Variants in RNF228 observed in about 807,000 individuals in gnomAD.
The protein encoded by RNF228 is ring finger protein 228.
chr2:222,319,087 C>T, the RNF228 span: 1 of 184,126 alleles, frequency 5.4e-6, no homozygotes, highest in Non-Finnish European at 1.1e-5. The surrounding 1 kb of genome is among the most constrained non-coding windows in gnomAD (Gnocchi z 7.6). Context: ...CCGCCGCCGC[C>T]GCCGCTGCCC....
the RNF228 span, among the ~76,000 whole-genome samples, chr2:222,315,209 A>C: frequency 6.6e-6 from 1 of 152,140 alleles, no homozygotes; most frequent in Non-Finnish European, 1.5e-5. Flanking sequence ...TTAATTCCAG[A>C]GTGTCCCTTC....
chr2:222,315,950 T>C, the RNF228 span, among the ~76,000 whole-genome samples: 1 of 151,968 alleles, frequency 6.6e-6, no homozygotes, highest in Non-Finnish European at 1.5e-5. Context: ...TCCAAGCAGG[T>C]ACAGAGACCA....
the RNF228 span, among the ~76,000 whole-genome samples, chr2:222,315,076 G>GT: frequency 1.1e-5 from 1 of 87,170 alleles, no homozygotes; most frequent in Non-Finnish European, 2.5e-5. Context: ...CTTGCCATAA[G>GT]TATTTTTTTT....
the RNF228 span, among the ~76,000 whole-genome samples, chr2:222,316,829 G>C: frequency 1.3e-5 from 2 of 152,128 alleles, no homozygotes; most frequent in African/African-American, 4.8e-5. Flanking sequence ...ATGAATAAGA[G>C]GTAAAAATGG....
At chr2:222,317,169 T>A in the RNF228 span, 1 of 152,198 alleles carries the variant, frequency 6.6e-6, no homozygotes, top group South Asian at 2.1e-4. Context: ...GAAGGGGACA[T>A]GTATTTAAGG....
chr2:222,318,476 G>C, the RNF228 span: 6 of 152,262 alleles, frequency 3.9e-5, no homozygotes, highest in African/African-American at 1.2e-4. Flanking sequence ...CCGCTAGGAA[G>C]CAGGAAATCC....
At chr2:222,319,763 G>GGCGGCA in the RNF228 span, among the ~76,000 whole-genome samples, 2 of 146,394 alleles carry the variant, frequency 1.4e-5, no homozygotes, top group East Asian at 2.0e-4. This position sits in a 1 kb window ranked among gnomAD's most constrained non-coding sequence, Gnocchi z 7.6. Flanking sequence ...GCTCAGGCGC[G>GGCGGCA]GCGGCAGCGG....
the RNF228 span, among the ~76,000 whole-genome samples, chr2:222,314,312 T>C: frequency 6.6e-6 from 1 of 152,218 alleles, no homozygotes; most frequent in Admixed American, 6.5e-5. Flanking sequence ...ACAAAGCTTA[T>C]CTTATATGGA....
At chr2:222,315,663 G>T in the RNF228 span, among the ~76,000 whole-genome samples, 143 of 152,260 alleles carry the variant, frequency 9.4e-4, 1 homozygote, top group East Asian at 0.019. Flanking sequence ...AGACTCAAAG[G>T]AGGTTAAATG....
At chr2:222,316,871 T>C in the RNF228 span, among the ~76,000 whole-genome samples, 1 of 152,294 alleles carries the variant, frequency 6.6e-6, no homozygotes, top group African/African-American at 2.4e-5. Context: ...CATGGGGGTA[T>C]AAATAAATTA....
chr2:222,315,419 A>G, the RNF228 span, among the ~76,000 whole-genome samples: 1 of 152,256 alleles, frequency 6.6e-6, no homozygotes, highest in Non-Finnish European at 1.5e-5. Context: ...AATCTCATTA[A>G]GAAAGTAAAA....
At chr2:222,318,771 A>ACCCCCCCCCCC in the RNF228 span, 6 of 102,348 alleles carry the variant, frequency 5.9e-5, no homozygotes, top group Admixed American at 9.8e-5. Flanking sequence ...GGCAAAAGAG[A>ACCCCCCCCCCC]CCCCCCCCCC....
At chr2:222,316,390 A>G in the RNF228 span, among the ~76,000 whole-genome samples, 9 of 152,378 alleles carry the variant, frequency 5.9e-5, no homozygotes, top group East Asian at 1.3e-3. Flanking sequence ...TTGACTTCAA[A>G]GTATTCTAAC....
chr2:222,316,338 T>C, the RNF228 span, among the ~76,000 whole-genome samples: 1 of 152,048 alleles, frequency 6.6e-6, no homozygotes, highest in Non-Finnish European at 1.5e-5. Context: ...CCACAGAAAA[T>C]CTCTCTCCAT....
chr2:222,318,057 G>A, the RNF228 span: 1 of 152,132 alleles, frequency 6.6e-6, no homozygotes, highest in Admixed American at 6.5e-5. Context: ...AAAAAAAGGC[G>A]AGGGGAAGGA....
chr2:222,319,169 G>C, the RNF228 span: 1 of 299,488 alleles, frequency 3.3e-6, no homozygotes. The surrounding 1 kb of genome is among the most constrained non-coding windows in gnomAD (Gnocchi z 7.6). Context: ...CAACGACCGA[G>C]AAGAGTGCCA....
At chr2:222,316,746 A>C in the RNF228 span, among the ~76,000 whole-genome samples, 1 of 152,350 alleles carries the variant, frequency 6.6e-6, no homozygotes, top group East Asian at 1.9e-4. Flanking sequence ...ACATATATAC[A>C]TGTGTAGCTG....
the RNF228 span, chr2:222,319,488 G>C: frequency 6.8e-6 from 1 of 146,640 alleles, no homozygotes; most frequent in African/African-American, 2.5e-5. The surrounding 1 kb of genome is among the most constrained non-coding windows in gnomAD (Gnocchi z 7.6). Flanking sequence ...CGGCGGCTGC[G>C]GTGGGGCGGG....
the RNF228 span, among the ~76,000 whole-genome samples, chr2:222,319,763 G>C: frequency 1.5e-4 from 22 of 146,298 alleles, no homozygotes; most frequent in African/African-American, 5.4e-4. The surrounding 1 kb of genome is among the most constrained non-coding windows in gnomAD (Gnocchi z 7.6). Context: ...GCTCAGGCGC[G>C]GCGGCAGCGG....
Sources: allele counts gnomAD v4.1 joint callset (sites outside exome capture counted in the v4.1 genomes callset), GRCh38; gene constraint gnomAD v4.1.1; non-coding constraint Gnocchi (gnomAD v3.1); transcripts MANE v1.5; gene names NCBI Gene and HGNC (gene_info 2026-07-23, HGNC 2026-07-21).